The following CDS2 variants were observed in gnomAD, a reference collection of about 807,000 sequenced individuals.
CDS2 encodes the protein CDP-diacylglycerol synthase 2.
Under a neutral mutation model 59.0 loss-of-function variants are expected in CDS2, and 47 were observed. That is an observed-to-expected ratio of 0.80 (90% CI 0.63 to 1.02). CDS2 has a LOEUF of 1.02. CDS2 is among the 50% of genes least tolerant of loss of function. The pLI, the probability that CDS2 is intolerant of heterozygous loss-of-function variation, is 0.00. For synonymous variants in CDS2, 207 were observed against 206.4 expected (o/e 1.00, Z -0.02); for missense variants, 356 against 558.9 (o/e 0.64, Z 3.66).
Position 5,157,080 on chromosome 20 carries a change from ATG to A in CDS2, c.58-16441_58-16440del, listed in dbSNP as rs767121940. 1.1e-4 allele frequency among the ~76,000 whole-genome samples: 16 copies of A among 152,276 alleles called. No homozygotes were observed. In the South Asian group the frequency reaches 3.3e-3, roughly 32 times the overall value. On this transcript the variant is annotated intron_variant, in intron 1 of 12. Coordinates refer to ENST00000460006, the MANE Select transcript of CDS2 (RefSeq NM_003818.4). ...ACAAAGCTAGGTAGTAAGACACTAA[ATG>A]TTCAGGGCACCAGGGATCTGGGTGG...
chr20:5,147,009 T>C (rs1053305569), intron 1 of CDS2, among the ~76,000 whole-genome samples: 2 of 152,220 alleles, frequency 1.3e-5, no homozygotes, highest in African/African-American at 2.4e-5. Context: ...GGATACTTTC[T>C]GAAAAACGCA....
chr20:5,170,564 G>A (rs1187879844), intron 1 of CDS2, among the ~76,000 whole-genome samples: 2 of 152,250 alleles, frequency 1.3e-5, no homozygotes, highest in African/African-American at 4.8e-5. Context: ...TCCCCAGGCT[G>A]TGCAGTTTCC....
intron 1 of CDS2, among the ~76,000 whole-genome samples, chr20:5,135,168 G>A (rs906454916): frequency 4.6e-5 from 7 of 152,130 alleles, no homozygotes; most frequent in Non-Finnish European, 8.8e-5. Flanking sequence ...CTGGGTTCAA[G>A]CGATCTTCTC....
intron 1 of CDS2, among the ~76,000 whole-genome samples, chr20:5,134,440 A>G (rs530648848): frequency 1.3e-5 from 2 of 152,222 alleles, no homozygotes; most frequent in South Asian, 2.1e-4. Flanking sequence ...TTGACTCCAC[A>G]TAATCAATTT....
chr20:5,162,453 T>G (rs1270378223), intron 1 of CDS2, among the ~76,000 whole-genome samples: 2 of 152,184 alleles, frequency 1.3e-5, no homozygotes, highest in Non-Finnish European at 2.9e-5. Flanking sequence ...TAGACTCGCA[T>G]GCTGTCAACT....
intron 1 of CDS2, among the ~76,000 whole-genome samples, chr20:5,134,623 T>G (rs1316297159): frequency 6.6e-6 from 1 of 152,086 alleles, no homozygotes; most frequent in Non-Finnish European, 1.5e-5. Context: ...CGAGTTCAAG[T>G]GATTCTCCTG....
intron 5 of CDS2, among the ~76,000 whole-genome samples, chr20:5,181,565 T>C (rs1007482783): frequency 6.6e-6 from 1 of 152,190 alleles, no homozygotes; most frequent in African/African-American, 2.4e-5. Flanking sequence ...TTCCAAACAG[T>C]AAATATTTTA....
intron 10 of CDS2, among the ~76,000 whole-genome samples, chr20:5,188,503 T>C (rs1432237641): frequency 6.6e-6 from 1 of 152,222 alleles, no homozygotes; most frequent in African/African-American, 2.4e-5. Flanking sequence ...TCCATTAACT[T>C]AGATATTAGA....
Position 5,195,225 on chromosome 20 carries a change from A to AGCTG in CDS2, c.*4993_*4996dup, listed in dbSNP as rs1217512391. 1.3e-5 allele frequency: 2 copies of AGCTG among 152,334 alleles called. No individual in the cohort carries two copies. The highest frequency in any genetic ancestry group is 2.9e-5 in the Non-Finnish European group (2 of 68,070). The allele number at this position is 152,334 out of a possible 1,614,324, so 9.4% of individuals were successfully genotyped here. A position where few individuals can be genotyped will look rare whatever the true frequency, so the allele number is the denominator to read the frequency against. ...AATGGTAGTTACTTTTGTTGAGCTC[A>AGCTG]GCTGGTAGTTTGACCTCCGTTGGTG... On this transcript the variant is annotated 3_prime_UTR_variant, in exon 13 of 13. Transcript: ENST00000460006.
chr20:5,187,701 C>G (rs559554826), intron 10 of CDS2: 2 of 151,548 alleles, frequency 1.3e-5, no homozygotes, highest in Non-Finnish European at 2.9e-5. Context: ...GGTAACATGG[C>G]GAAACCCCGT....
intron 7 of CDS2, among the ~76,000 whole-genome samples, chr20:5,183,801 G>C (rs1006779068): frequency 1.3e-5 from 2 of 152,230 alleles, no homozygotes; most frequent in African/African-American, 4.8e-5. Context: ...CAAAAATGCA[G>C]TGGTTTCATG....
intron 1 of CDS2, among the ~76,000 whole-genome samples, chr20:5,146,714 A>T (rs1186775204): frequency 6.6e-6 from 1 of 152,204 alleles, no homozygotes; most frequent in Admixed American, 6.5e-5. Flanking sequence ...ACAAAATTTC[A>T]GGCTTTTATA....
intron 1 of CDS2, among the ~76,000 whole-genome samples, chr20:5,168,849 A>G (rs999395063): frequency 6.6e-6 from 1 of 152,126 alleles, no homozygotes; most frequent in African/African-American, 2.4e-5. Flanking sequence ...GCCCTCCCTC[A>G]CTGCCTTCTC....
rs1392471338 is a variant in CDS2 at position 5,176,636 on chromosome 20, T to G, written c.292-12T>G. The stretch of plus-strand genomic sequence containing the variant: ...AGAATTGGGGTGTCAGTGAATGTTT[T>G]GTGTCCCGCAGGTGATGTGCGTTCA... On this transcript the variant is annotated splice_polypyrimidine_tract_variant and intron_variant, in intron 3 of 12. Coordinates refer to ENST00000460006, the MANE Select transcript of CDS2 (RefSeq NM_003818.4). 33 of 1,605,800 alleles carry G rather than the reference T, an allele frequency of 2.1e-5. No individual in the cohort carries two copies. Among genetic ancestry groups the G allele is most frequent in the Non-Finnish European group, 2.7e-5 (32 of 1,172,528 alleles).
chr20:5,158,141 A>G (rs2090847920), intron 1 of CDS2, among the ~76,000 whole-genome samples: 1 of 150,858 alleles, frequency 6.6e-6, no homozygotes, highest in Non-Finnish European at 1.5e-5. Context: ...AGGGAAGCCA[A>G]AAGATTGGCT....
intron 4 of CDS2, among the ~76,000 whole-genome samples, chr20:5,177,768 T>A (rs2091005135): frequency 6.6e-6 from 1 of 152,242 alleles, no homozygotes. Context: ...AGGTGTTTCC[T>A]GTCACCCAAC....
intron 1 of CDS2, among the ~76,000 whole-genome samples, chr20:5,129,250 TG>T: frequency 1.3e-5 from 2 of 152,146 alleles, no homozygotes; most frequent in Non-Finnish European, 2.9e-5. Flanking sequence ...ACTTCTCAAT[TG>T]TCACTGAATT....
intron 1 of CDS2, among the ~76,000 whole-genome samples, chr20:5,167,005 G>T (rs966884411): frequency 6.6e-6 from 1 of 152,148 alleles, no homozygotes; most frequent in Non-Finnish European, 1.5e-5. Flanking sequence ...GGAGAGAGAT[G>T]AGAAGATGGA....
chr20:5,131,700 G>C (rs141744340), intron 1 of CDS2, among the ~76,000 whole-genome samples: 1 of 152,378 alleles, frequency 6.6e-6, no homozygotes, highest in African/African-American at 2.4e-5. Flanking sequence ...TAGCGTGTAA[G>C]AGCAGGGGCT....
Sources: allele counts gnomAD v4.1 joint callset (sites outside exome capture counted in the v4.1 genomes callset), GRCh38; gene constraint gnomAD v4.1.1; transcripts MANE v1.5; gene names NCBI Gene and HGNC (gene_info 2026-07-23, HGNC 2026-07-21).